Variants in OMA1 observed in about 807,000 individuals in gnomAD.
The protein encoded by OMA1 is metalloendopeptidase OMA1, mitochondrial.
Under a neutral mutation model 30.9 loss-of-function variants are expected in OMA1, and 38 were observed. That is an observed-to-expected ratio of 1.23 (90% CI 0.95 to 1.61). The LOEUF (loss-of-function observed/expected upper bound fraction) is 1.61, where lower values mean the gene tolerates loss of function less well. OMA1 is among the 40% of genes most tolerant of loss of function. OMA1 has a pLI of 0.00. For synonymous variants in OMA1, 173 were observed against 121.9 expected, an observed-to-expected ratio of 1.42 and a Z score of -2.76; for missense variants, 461 against 349.2, an observed-to-expected ratio of 1.32 and a Z score of -2.55.
intron 7 of OMA1, among the ~76,000 whole-genome samples, chr1:58,510,647 T>A (rs549935258): frequency 6.6e-6 from 1 of 151,586 alleles, no homozygotes; most frequent in South Asian, 2.1e-4. Context: ...GAGAAAGAAA[T>A]AAAAGGCATT....
chr1:58,538,907 T>G lies in OMA1; in HGVS notation c.388A>C (p.Ile130Leu). The G allele has an allele frequency of 1.1e-6, 1 of 872,860 alleles. No individual in the cohort carries two copies. The allele number at this position is 872,860 out of a possible 1,614,324, so 54.1% of individuals were successfully genotyped here. The change falls in exon 2 of 9, where the codon ATA (isoleucine) becomes CTA (leucine). Residue 130 changes from isoleucine to leucine, a missense_variant. Ile to Leu is a conservative substitution (Grantham distance 5, BLOSUM62 2). Coordinates refer to ENST00000371226, the MANE Select transcript of OMA1 (RefSeq NM_145243.5). ...GTATGGAAATTCCTAATAGCTCTTA[T>G]GGAAGCAGGGCTTAGAGGATGCAAT... The part of the protein sequence containing the change: ...SVLHPLSPAS[I>L]RAIRNFHTSP...
At chr1:58,518,383 GAAAAGAA>G (rs1053558042) in intron 7 of OMA1, among the ~76,000 whole-genome samples, 7 of 150,442 alleles carry the variant, frequency 4.7e-5, no homozygotes, top group Non-Finnish European at 7.4e-5. Context: ...GGGAAGAAAA[GAAAAGAA>G]AAAAGAAAAG....
At chr1:58,542,984 C>CT (rs11445971) in intron 1 of OMA1, among the ~76,000 whole-genome samples, 107,492 of 149,306 alleles carry the variant, frequency 0.72, 39,513 homozygotes, top group East Asian at 0.93. Flanking sequence ...AAACAAAAAG[C>CT]TTTTTTAAAA....
At chr1:58,490,433 G>A (rs1645661085) in intron 8 of OMA1, among the ~76,000 whole-genome samples, 1 of 152,178 alleles carries the variant, frequency 6.6e-6, no homozygotes, top group African/African-American at 2.4e-5. Context: ...CAAGAAATAT[G>A]GGACTATGTG....
chr1:58,519,909 G>A (rs1646234895), intron 7 of OMA1, among the ~76,000 whole-genome samples: 1 of 152,158 alleles, frequency 6.6e-6, no homozygotes, highest in Admixed American at 6.5e-5. Context: ...CGAATTTAAT[G>A]TAGAACAAAT....
chr1:58,540,282 G>GAA (rs142462867), intron 1 of OMA1, among the ~76,000 whole-genome samples: 20 of 144,860 alleles, frequency 1.4e-4, no homozygotes, highest in African/African-American at 4.0e-4. Flanking sequence ...TGCATCCCAG[G>GAA]AAAAAAAAAA....
In OMA1 at chr1:58,510,753, GAACT is replaced by G. The variant is rs1410846248; in HGVS notation, c.1216-4548_1216-4545del. ...ACACACACAAAAAAAAACCCTGCTA[GAACT>G]AATAAATAAATTCAGTAAAGTTAGT... On this transcript the variant is annotated intron_variant, in intron 7 of 8. Transcript: ENST00000371226. 2.0e-5 allele frequency among the ~76,000 whole-genome samples: 3 copies of G among 151,990 alleles called. No individual in the cohort carries two copies. The East Asian group carries it at 5.8e-4, about 29-fold the overall frequency.
intron 8 of OMA1, among the ~76,000 whole-genome samples, chr1:58,490,594 C>G (rs1198181629): frequency 5.9e-5 from 9 of 151,940 alleles, no homozygotes; most frequent in African/African-American, 2.2e-4. Context: ...ACAGAGAATG[C>G]CACAAAGATA....
At chr1:58,520,259 T>C (rs1036012714) in intron 7 of OMA1, among the ~76,000 whole-genome samples, 1 of 151,484 alleles carries the variant, frequency 6.6e-6, no homozygotes, top group Non-Finnish European at 1.5e-5. Context: ...TTGAAAAAAA[T>C]AAAAAATAAA....
intron 7 of OMA1, among the ~76,000 whole-genome samples, chr1:58,526,737 T>C (rs1287517197): frequency 6.6e-6 from 1 of 151,946 alleles, no homozygotes; most frequent in South Asian, 2.1e-4. Flanking sequence ...TATCTTCAAG[T>C]GGGGGAAAAC....
chr1:58,499,289 G>C (rs1022918558), intron 8 of OMA1, among the ~76,000 whole-genome samples: 4 of 132,082 alleles, frequency 3.0e-5, no homozygotes, highest in Non-Finnish European at 4.6e-5. Context: ...GCCAGCCAGG[G>C]CAACACAGCA....
chr1:58,488,894 G>T (rs1161124155), intron 8 of OMA1, among the ~76,000 whole-genome samples: 2 of 152,204 alleles, frequency 1.3e-5, no homozygotes, highest in Non-Finnish European at 2.9e-5. Context: ...ATTATGTACA[G>T]ATATTTTTGT....
intron 7 of OMA1, among the ~76,000 whole-genome samples, chr1:58,525,306 GA>G (rs1260853322): frequency 1.4e-5 from 2 of 139,878 alleles, no homozygotes; most frequent in Admixed American, 7.1e-5. Context: ...TATATTTATT[GA>G]AAAAAATCCT....
chr1:58,546,555 C>G (rs1253857253), intron 1 of OMA1, 148 bp downstream of exon 1: 1 of 151,472 alleles, frequency 6.6e-6, no homozygotes, highest in Non-Finnish European at 1.5e-5. Context: ...CCTCCCGTAC[C>G]CCCATCCCCA....
rs779589162 is a variant in OMA1 at position 58,523,596 on chromosome 1, T to C, written c.1215+3665A>G. Among the ~76,000 whole-genome samples the C allele has an allele frequency of 5.5e-4, 84 of 152,188 alleles. 1 individual carries two copies. Among genetic ancestry groups the C allele is most frequent in the Middle Eastern group, 6.8e-3 (2 of 294 alleles). On this transcript the variant is annotated intron_variant, in intron 7 of 8. Coordinates refer to ENST00000371226, the MANE Select transcript of OMA1 (RefSeq NM_145243.5). ...TCCAGGTGACCAGAGGAATTGAGAA[T>C]GTAAAAAGAACTGGCAGTCCTGGCC...
At chr1:58,493,866 C>T (rs1247950067) in intron 8 of OMA1, among the ~76,000 whole-genome samples, 19 of 151,448 alleles carry the variant, frequency 1.3e-4, no homozygotes, top group Admixed American at 2.0e-4. Flanking sequence ...AGATTCAATG[C>T]CATCCCCATC....
intron 8 of OMA1, among the ~76,000 whole-genome samples, chr1:58,497,553 A>G (rs1392853588): frequency 3.9e-5 from 6 of 152,192 alleles, no homozygotes; most frequent in Non-Finnish European, 8.8e-5. Flanking sequence ...TCTTTAGCAT[A>G]AGAGTTATTT....
intron 8 of OMA1, among the ~76,000 whole-genome samples, chr1:58,494,214 T>C (rs1425863216): frequency 6.6e-6 from 1 of 152,180 alleles, no homozygotes; most frequent in Non-Finnish European, 1.5e-5. Context: ...TGGCTAGCCA[T>C]ATGGAGAAAG....
At chr1:58,511,642 C>G (rs559343549) in intron 7 of OMA1, among the ~76,000 whole-genome samples, 1 of 152,146 alleles carries the variant, frequency 6.6e-6, no homozygotes, top group South Asian at 2.1e-4. Context: ...AACGAACACA[C>G]ACACACACAC....
Sources: allele counts gnomAD v4.1 joint callset (sites outside exome capture counted in the v4.1 genomes callset), GRCh38; gene constraint gnomAD v4.1.1; transcripts MANE v1.5; gene names NCBI Gene and HGNC (gene_info 2026-07-23, HGNC 2026-07-21).